Variants in OSM observed in about 807,000 individuals in gnomAD.
OSM encodes oncostatin M.
A neutral mutation model predicts 6.3 loss-of-function variants in OSM; 1 was observed. The observed-to-expected ratio is 0.16, with a 90% CI of 0.06 to 0.76. OSM has a LOEUF of 0.76. OSM is among the 30% of genes least tolerant of loss of function. OSM has a pLI of 0.77. For missense variants in OSM, 324 were observed against 336.9 expected (o/e 0.96, Z 0.30); for synonymous variants, 135 against 143.4 (o/e 0.94, Z 0.42).
At chr22:30,264,904 A>G in intron 2 of OSM, 98 bp downstream of exon 2, 4 of 1,414,694 alleles carry the variant, frequency 2.8e-6, no homozygotes, top group South Asian at 2.5e-5. Flanking sequence ...CGACCTGGCC[A>G]TATGGAGTGG....
chr22:30,264,560 A>C, intron 2 of OSM, 96 bp from the exon 3 acceptor site: 2 of 1,013,758 alleles, frequency 2.0e-6, no homozygotes, highest in Non-Finnish European at 1.4e-6. Flanking sequence ...ATGCACCCCA[A>C]TCCAATCTCC....
intron 1 of OSM, chr22:30,265,429 T>G (rs1019684221): frequency 7.3e-5 from 90 of 1,227,688 alleles, no homozygotes; most frequent in Non-Finnish European, 9.1e-5. Context: ...GAGCAAAGGC[T>G]GCAGTGCCTG....
In OSM at chr22:30,264,052, C is replaced by T. The variant is rs1359452520; in HGVS notation, c.590G>A (p.Gly197Asp). The change falls in exon 3 of 3, where the codon GGC becomes GAC. Residue 197 changes from glycine to aspartate, a missense_variant. Coordinates refer to ENST00000215781, the MANE Select transcript of OSM (RefSeq NM_020530.6). ...CACTGAGTGCATGAAGCGATGGTAG[C>T]CATGCAGGAACCTGCAGCCCTCCAG... Reference protein sequence around the residue: ...RKLEGCRFLHGYHRFMHSVGR... With the variant: ...RKLEGCRFLHDYHRFMHSVGR... 5 of 1,586,248 alleles carry T rather than the reference C, an allele frequency of 3.2e-6. No individual in the cohort carries two copies. The South Asian group carries it at 5.7e-5, about 18-fold the overall frequency.
Position 30,264,117 on chromosome 22 carries a change from C to T in OSM, c.525G>A (p.Pro175=), listed in dbSNP as rs747278295. The change falls in exon 3 of 3, where the codon CCG becomes CCA. Residue 175 remains proline (P), a synonymous_variant. Coordinates refer to ENST00000215781, the MANE Select transcript of OSM (RefSeq NM_020530.6). ...PTKAGRGASQ[P]PTPTPASDAF... The stretch of plus-strand genomic sequence containing the variant: ...CATCCGAGGCAGGGGTGGGGGTGGG[C>T]GGCTGAGAGGCCCCCCGGCCAGCCT... 21 of 1,611,192 alleles carry T rather than the reference C, an allele frequency of 1.3e-5. No individual in the cohort carries two copies. Among genetic ancestry groups the T allele is most frequent in the South Asian group, 4.4e-5 (4 of 91,024 alleles).
At chr22:30,264,757 G>T (rs1677318844) in intron 2 of OSM, among the ~76,000 whole-genome samples, 1 of 152,216 alleles carries the variant, frequency 6.6e-6, no homozygotes, top group Non-Finnish European at 1.5e-5. Flanking sequence ...CAGGTGTGCA[G>T]GAAACACACT....
At chr22:30,264,876 C>T (rs2123851513) in intron 2 of OSM, 126 bp downstream of exon 2, 1 of 1,196,464 alleles carries the variant, frequency 8.4e-7, no homozygotes. Context: ...GCTGGAATAA[C>T]ATAGCGACTC....
At position 30,265,077 on chromosome 22, in the gene OSM, C is replaced by G. The variant is rs202036688; in HGVS notation, c.102G>C (p.Glu34Asp). Residue 34 changes from glutamate to aspartate, a missense_variant, in exon 2 of 3, where the codon GAG becomes GAC. Physicochemically the swap from Glu to Asp is conservative, Grantham distance 45. Transcript: ENST00000215781. ...SMAAIGSCSK[E>D]YRVLLGQLQK... ...GGAGCTGGCCAAGGAGCACGCGGTACTCTTTCGAGCAGCTGCCTATAGCCG... is the reference window on the plus strand; with the variant it reads ...GGAGCTGGCCAAGGAGCACGCGGTAGTCTTTCGAGCAGCTGCCTATAGCCG... 5.6e-6 allele frequency: 9 copies of G among 1,614,060 alleles called. No individual in the cohort carries two copies. Among genetic ancestry groups the G allele is most frequent in the Admixed American group, 1.7e-5 (1 of 60,010 alleles).
chr22:30,264,767 T>G (rs912422865), intron 2 of OSM, among the ~76,000 whole-genome samples: 3 of 152,094 alleles, frequency 2.0e-5, no homozygotes, highest in Admixed American at 6.5e-5. Context: ...GGAAACACAC[T>G]GAGTAAGCAG....
chr22:30,265,163 G>T lies in OSM; in HGVS notation c.35-19C>A. 6.2e-7 allele frequency: 1 copy of T among 1,600,004 alleles called. No homozygotes were observed. Among genetic ancestry groups the T allele is most frequent in the Non-Finnish European group, 8.6e-7 (1 of 1,168,730 alleles). ...ACCAGACCTAAGGCAGAGAAGAGGG[G>T]TGTCACCTGACTTGGTGAGGAAAGC... On this transcript the variant is annotated intron_variant, in intron 1 of 2. Transcript: ENST00000215781.
At position 30,263,800 on chromosome 22, in the gene OSM, C is replaced by T; in HGVS notation, c.*83G>A. 1.7e-6 allele frequency: 2 copies of T among 1,167,818 alleles called. No homozygotes were observed. Among genetic ancestry groups the T allele is most frequent in the South Asian group, 1.7e-5 (1 of 58,508 alleles). The allele number at this position is 1,167,818 out of a possible 1,614,324, so 72.3% of individuals were successfully genotyped here. A position where few individuals can be genotyped will look rare whatever the true frequency, so the allele number is the denominator to read the frequency against. ...TAGCAGAGGGGAACAGGTTTGGGGA[C>T]CCGGGAGCTGTCATCCTGCGATGGT... is the stretch of plus-strand genomic sequence containing the variant. On this transcript the variant is annotated 3_prime_UTR_variant, in exon 3 of 3. Transcript: ENST00000215781.
Position 30,264,220 on chromosome 22 carries a change from G to A in OSM, c.422C>T (p.Pro141Leu), listed in dbSNP as rs144823210. The A allele has an allele frequency of 4.3e-4, 689 of 1,614,076 alleles. 1 individual carries two copies. Among genetic ancestry groups the A allele is most frequent in the Middle Eastern group, 1.8e-3 (11 of 6,062 alleles). Reference protein sequence around the residue: ...EDLEKLQMARPNILGLRNNIY... With the variant: ...EDLEKLQMARLNILGLRNNIY... ...GTTGTTCCTGAGCCCGAGGATGTTC[G>A]GCCTCGCCATCTGCAGCTTCTCCAA... Residue 141 changes from proline (P) to leucine (L), a missense_variant, in exon 3 of 3, where the codon CCG (proline) becomes CTG (leucine). By Grantham distance (98) the Pro-to-Leu change is moderately conservative. Coordinates refer to ENST00000215781, the MANE Select transcript of OSM (RefSeq NM_020530.6).
intron 1 of OSM, chr22:30,265,537 C>A: frequency 2.5e-6 from 1 of 397,742 alleles, no homozygotes; most frequent in Admixed American, 5.2e-5. Context: ...GGCTAAAGAC[C>A]GGCCACTGCC....
chr22:30,264,822 A>C (rs896688787), intron 2 of OSM, among the ~76,000 whole-genome samples, 180 bp downstream of exon 2: 4 of 152,168 alleles, frequency 2.6e-5, no homozygotes, highest in African/African-American at 9.7e-5. Flanking sequence ...GGGACCACAG[A>C]GCTAGGAAAG....
rs1220383209 is a variant in OSM at position 30,266,094 on chromosome 22, C to T, written c.34+672G>A. Reference sequence around the variant, plus strand: ...AGCGACCCCACGGCACCCTCGCCGCCTCCCCAGGTATCTGCTGCCGGGCTC... The same window carrying T: ...AGCGACCCCACGGCACCCTCGCCGCTTCCCCAGGTATCTGCTGCCGGGCTC... On this transcript the variant is annotated intron_variant, in intron 1 of 2. Coordinates refer to ENST00000215781, the MANE Select transcript of OSM (RefSeq NM_020530.6). The surrounding 1 kb of genome is among the most constrained non-coding windows in gnomAD (Gnocchi z 5.0). Among the ~76,000 whole-genome samples, 2 of 152,272 alleles carry T rather than the reference C, an allele frequency of 1.3e-5. No individual in the cohort carries two copies. Among genetic ancestry groups the T allele is most frequent in the African/African-American group, 2.4e-5 (1 of 41,472 alleles).
At chr22:30,265,448 C>T in intron 1 of OSM, 1 of 1,157,466 alleles carries the variant, frequency 8.6e-7, no homozygotes, top group Non-Finnish European at 1.1e-6. Context: ...TGGCCGGATC[C>T]CAGTCCTGCC....
intron 2 of OSM, 63 bp from the exon 3 acceptor site, chr22:30,264,527 TA>T: frequency 7.2e-7 from 1 of 1,389,864 alleles, no homozygotes; most frequent in Non-Finnish European, 9.9e-7. Context: ...CACAGACAAG[TA>T]AGCCTTGAAA....
rs200134196 is a variant in OSM at position 30,266,745 on chromosome 22, G to A, written c.34+21C>T. ...GCAGACCCAGCAGGCGGGTTCTGGC[G>A]GGGAGGAAGGAAGTACTTACTGAGC... On this transcript the variant is annotated intron_variant, in intron 1 of 2. Coordinates refer to ENST00000215781, the MANE Select transcript of OSM (RefSeq NM_020530.6). The surrounding 1 kb of genome is among the most constrained non-coding windows in gnomAD (Gnocchi z 5.0). 6.8e-5 allele frequency: 109 copies of A among 1,612,938 alleles called. 1 individual carries two copies. The South Asian group carries it at 7.7e-4, about 11-fold the overall frequency.
At position 30,266,408 on chromosome 22, in the gene OSM, AC is replaced by A. The variant is rs1322246181; in HGVS notation, c.34+357del. Among the ~76,000 whole-genome samples the A allele has an allele frequency of 6.6e-6, 1 of 151,984 alleles. No individual in the cohort carries two copies. Among genetic ancestry groups the A allele is most frequent in the African/African-American group, 2.4e-5 (1 of 41,322 alleles). On this transcript the variant is annotated intron_variant, in intron 1 of 2. Coordinates refer to ENST00000215781, the MANE Select transcript of OSM (RefSeq NM_020530.6). This position sits in a 1 kb window ranked among gnomAD's most constrained non-coding sequence, Gnocchi z 5.0. ...TCATCCCGGGCAAGCTGGAGGCCCC[AC>A]AACCCCTCCACACCTCACACCACTT...
In OSM at chr22:30,264,150, C is replaced by G; in HGVS notation, c.492G>C (p.Glu164Asp). ...AQLLDNSDTA[E>D]PTKAGRGASQ... ...AGGCCCCCCGGCCAGCCTTCGTGGG[C>G]TCAGCCGTGTCTGAGTTGTCCAGCA... Residue 164 changes from glutamate (E) to aspartate (D), a missense_variant, in exon 3 of 3, where the codon GAG becomes GAC. Physicochemically the swap from Glu to Asp is conservative, Grantham distance 45. Coordinates refer to ENST00000215781, the MANE Select transcript of OSM (RefSeq NM_020530.6). 1.9e-6 allele frequency: 3 copies of G among 1,613,670 alleles called. No homozygotes were observed. Among genetic ancestry groups the G allele is most frequent in the Non-Finnish European group, 2.5e-6 (3 of 1,179,952 alleles).
Sources: allele counts gnomAD v4.1 joint callset (sites outside exome capture counted in the v4.1 genomes callset), GRCh38; gene constraint gnomAD v4.1.1; non-coding constraint Gnocchi (gnomAD v3.1); transcripts MANE v1.5; gene names NCBI Gene and HGNC (gene_info 2026-07-23, HGNC 2026-07-21).